PPFIBP1: variants seen among roughly 807,000 people sequenced by gnomAD.
PPFIBP1 encodes the protein PPFIB scaffold protein 1.
A neutral mutation model predicts 137.8 loss-of-function variants in PPFIBP1; 112 were observed. The ratio of observed to expected loss-of-function variants is 0.81; its 90% confidence interval spans 0.70 to 0.95. The LOEUF (loss-of-function observed/expected upper bound fraction) is 0.95, where lower values mean the gene tolerates loss of function less well. Ranked by LOEUF, PPFIBP1 falls within the 40% of genes least tolerant of loss-of-function variation. The pLI is 0.00. For synonymous variants in PPFIBP1, 378 were observed against 417.3 expected (o/e 0.91, Z 1.15); for missense variants, 1,083 against 1,196.6 (o/e 0.91, Z 1.40).
chr12:27,535,153 C>A (rs922852024), intron 1 of PPFIBP1, among the ~76,000 whole-genome samples: 2 of 152,124 alleles, frequency 1.3e-5, no homozygotes, highest in African/African-American at 4.8e-5. Context: ...AAATGTGTGA[C>A]CCCTTATTCA....
chr12:27,640,597 C>T (rs142793408), intron 4 of PPFIBP1, among the ~76,000 whole-genome samples: 8 of 144,596 alleles, frequency 5.5e-5, no homozygotes, highest in African/African-American at 1.0e-4. Flanking sequence ...CCCCCACCCC[C>T]GGGTTGCCCA....
At chr12:27,629,252 A>T (rs907272642) in intron 2 of PPFIBP1, among the ~76,000 whole-genome samples, 1 of 152,224 alleles carries the variant, frequency 6.6e-6, no homozygotes, top group African/African-American at 2.4e-5. Flanking sequence ...CCCAGTTAAA[A>T]TAAAGAACTT....
rs770215185 is a variant in PPFIBP1 at position 27,667,173 on chromosome 12, T to C, written c.999T>C (p.Asp333=). 2 of 1,575,686 alleles carry C rather than the reference T, an allele frequency of 1.3e-6. No individual in the cohort carries two copies. The highest frequency in any genetic ancestry group is 4.5e-5 in the East Asian group (2 of 44,258). ...VVLAQGKKGK[D]GEYEELLNSS... The stretch of plus-strand genomic sequence containing the variant: ...TGTTTTATCTTTTCCTAGGCAAAGA[T>C]GGAGAATATGAAGAGCTGCTCAATT... The change falls in exon 13 of 30, where the codon GAT becomes GAC. Residue 333 remains aspartate, a synonymous_variant. Coordinates refer to ENST00000228425, the MANE Select transcript of PPFIBP1 (RefSeq NM_003622.4).
intron 7 of PPFIBP1, among the ~76,000 whole-genome samples, chr12:27,653,448 A>G (rs1480343289): frequency 6.6e-6 from 1 of 151,984 alleles, no homozygotes; most frequent in Admixed American, 6.6e-5. Flanking sequence ...TTATCTGGGC[A>G]TGGTGGTGGG....
chr12:27,529,665 G>T (rs551641479), intron 1 of PPFIBP1, among the ~76,000 whole-genome samples: 24 of 152,244 alleles, frequency 1.6e-4, no homozygotes, highest in Non-Finnish European at 3.4e-4. Context: ...CTGCACTCCA[G>T]CCTGGGCAAC....
At chr12:27,606,426 G>A (rs905681247) in intron 2 of PPFIBP1, among the ~76,000 whole-genome samples, 12 of 152,268 alleles carry the variant, frequency 7.9e-5, no homozygotes, top group Admixed American at 3.3e-4. Flanking sequence ...TTAGCTCTAC[G>A]ACTGTGTGTT....
Position 27,656,710 on chromosome 12 carries a change from G to A in PPFIBP1, c.791G>A (p.Gly264Glu), listed in dbSNP as rs1033336842. The A allele has an allele frequency of 7.5e-6, 12 of 1,606,226 alleles. No individual in the cohort carries two copies. The highest frequency in any genetic ancestry group is 9.4e-6 in the Non-Finnish European group (11 of 1,173,334). Reference protein sequence around the residue: ...EKLVCKMKGEGVEIVDRDENF... With the variant: ...EKLVCKMKGEEVEIVDRDENF... ...TTGGTTTGCAAGATGAAAGGAGAAG[G>A]GGTTGAAATTGTTGATAGAGGTAAG... Residue 264 changes from glycine (G) to glutamate (E), a missense_variant, in exon 9 of 30, where the codon GGG (glycine) becomes GAG (glutamate). Physicochemically the swap from Gly to Glu is moderately conservative, Grantham distance 98. Transcript: ENST00000228425.
chr12:27,644,735 C>T (rs967537245), intron 4 of PPFIBP1, among the ~76,000 whole-genome samples: 6 of 152,080 alleles, frequency 3.9e-5, no homozygotes, highest in African/African-American at 7.2e-5. Flanking sequence ...AGAATTATGC[C>T]GTGGTAATTG....
Position 27,679,938 on chromosome 12 carries a change from GGAGAAGTCAA to G in PPFIBP1, c.1773_1782del (p.Arg591SerfsTer28). 6.2e-7 allele frequency: 1 copy of G among 1,614,076 alleles called. No individual in the cohort carries two copies. Among genetic ancestry groups the G allele is most frequent in the Non-Finnish European group, 8.5e-7 (1 of 1,179,976 alleles). ...ATGTGTGTTGTCTTCTTTAGACTTA[GGAGAAGTCAA>G]TCAACTACATTCAACCCAGATGACA... On this transcript the variant is annotated frameshift_variant, in exon 21 of 30. Transcript: ENST00000228425. LOFTEE classifies it high-confidence loss of function.
intron 1 of PPFIBP1, among the ~76,000 whole-genome samples, chr12:27,531,880 G>C (rs1033207164): frequency 6.6e-6 from 1 of 152,052 alleles, no homozygotes; most frequent in Non-Finnish European, 1.5e-5. Flanking sequence ...GGTTTATAAG[G>C]ATGTCCTTAT....
intron 2 of PPFIBP1, chr12:27,592,600 T>C (rs574048019): frequency 2.5e-6 from 4 of 1,588,976 alleles, no homozygotes; most frequent in African/African-American, 2.7e-5. Flanking sequence ...GGAGAGGATA[T>C]GCTGCCTCAG....
intron 15 of PPFIBP1, among the ~76,000 whole-genome samples, chr12:27,673,364 A>G (rs757532374): frequency 3.3e-5 from 5 of 152,244 alleles, no homozygotes; most frequent in Non-Finnish European, 7.3e-5. Context: ...TGAATTGAAA[A>G]GTGAAACTTC....
intron 28 of PPFIBP1, 77 bp from the exon 29 acceptor site, chr12:27,692,514 A>C (rs1384970932): frequency 1.5e-6 from 2 of 1,336,892 alleles, no homozygotes; most frequent in African/African-American, 2.9e-5. Flanking sequence ...ATTTCTTCTT[A>C]GACTTTTGTT....
intron 25 of PPFIBP1, 86 bp downstream of exon 25, chr12:27,687,593 G>A: frequency 7.0e-7 from 1 of 1,437,090 alleles, no homozygotes; most frequent in Non-Finnish European, 9.3e-7. Flanking sequence ...CATTTTTCTT[G>A]GAGCCTGCAG....
intron 21 of PPFIBP1, 49 bp from the exon 22 acceptor site, chr12:27,681,497 C>G: frequency 6.3e-7 from 1 of 1,575,758 alleles, no homozygotes; most frequent in Non-Finnish European, 8.7e-7. Context: ...TGATAAGCCA[C>G]AGGATTGGCT....
chr12:27,579,203 T>C (rs552167101), intron 2 of PPFIBP1, among the ~76,000 whole-genome samples: 4 of 152,224 alleles, frequency 2.6e-5, no homozygotes, highest in Non-Finnish European at 4.4e-5. Flanking sequence ...ATTTCCTCTG[T>C]GTCCATGAGC....
chr12:27,575,496 G>GT (rs1252769442), intron 1 of PPFIBP1, among the ~76,000 whole-genome samples: 1 of 152,164 alleles, frequency 6.6e-6, no homozygotes, highest in Non-Finnish European at 1.5e-5. Flanking sequence ...TAACAAATGT[G>GT]TTTTTTATCT....
In PPFIBP1 at chr12:27,693,043, C is replaced by A; in HGVS notation, c.*161C>A. Reference sequence around the variant, plus strand: ...AGAAAGCAGGAGTAATGTGCCGATTCTGAAGTTGCCACAAAAAATAAGACA... The same window carrying A: ...AGAAAGCAGGAGTAATGTGCCGATTATGAAGTTGCCACAAAAAATAAGACA... On this transcript the variant is annotated 3_prime_UTR_variant, in exon 30 of 30. Transcript: ENST00000228425. 1 of 1,156,462 alleles carries A rather than the reference C, an allele frequency of 8.6e-7. No homozygotes were observed. Among genetic ancestry groups the A allele is most frequent in the Non-Finnish European group, 1.2e-6 (1 of 866,426 alleles). The allele number at this position is 1,156,462 out of a possible 1,614,324, so 71.6% of individuals were successfully genotyped here. A position where few individuals can be genotyped will look rare whatever the true frequency, so the allele number is the denominator to read the frequency against.
intron 5 of PPFIBP1, among the ~76,000 whole-genome samples, chr12:27,646,592 A>G (rs1218564195): frequency 2.0e-5 from 3 of 152,108 alleles, no homozygotes; most frequent in East Asian, 3.9e-4. Context: ...ATTCAGATAT[A>G]TGAATATAGC....
Sources: gnomAD v4.1 joint callset for allele counts (sites outside exome capture counted in the v4.1 genomes callset) on GRCh38, gnomAD v4.1.1 for gene constraint, MANE v1.5 for transcripts, NCBI Gene and HGNC (gene_info 2026-07-23, HGNC 2026-07-21) for gene names.